AKAP19: variants seen among roughly 807,000 people sequenced by gnomAD.
AKAP19 encodes the protein small A-kinase anchoring protein.
chr2:190,160,370 C>T, the AKAP19 span, among the ~76,000 whole-genome samples: 6 of 152,056 alleles, frequency 3.9e-5, no homozygotes, highest in Non-Finnish European at 7.4e-5. Flanking sequence ...TAGTAATATT[C>T]GTCCATGTTT....
the AKAP19 span, among the ~76,000 whole-genome samples, chr2:189,968,969 T>C: frequency 6.6e-6 from 1 of 152,140 alleles, no homozygotes; most frequent in Non-Finnish European, 1.5e-5. Flanking sequence ...GGAATTCTTT[T>C]TCTGTTATCC....
chr2:189,917,426 G>T, the AKAP19 span: 1 of 797,660 alleles, frequency 1.3e-6, no homozygotes, highest in Non-Finnish European at 2.1e-6. Flanking sequence ...TCAAAACCAT[G>T]TCTGTTTTTT....
the AKAP19 span, among the ~76,000 whole-genome samples, chr2:190,067,126 A>G: frequency 6.6e-6 from 1 of 152,138 alleles, no homozygotes; most frequent in African/African-American, 2.4e-5. Flanking sequence ...TTTAACACAT[A>G]TATATTAAAA....
At chr2:190,140,418 C>T in the AKAP19 span, among the ~76,000 whole-genome samples, 1 of 152,218 alleles carries the variant, frequency 6.6e-6, no homozygotes, top group Non-Finnish European at 1.5e-5. Flanking sequence ...GAGAGGTTCT[C>T]CACAAGGGCT....
the AKAP19 span, among the ~76,000 whole-genome samples, chr2:190,126,186 G>A: frequency 6.7e-6 from 1 of 149,414 alleles, no homozygotes; most frequent in Admixed American, 6.7e-5. Flanking sequence ...AGCTACTCAG[G>A]AGGCTGAGGC....
chr2:190,038,901 T>TTCCTCTTCTTC, the AKAP19 span, among the ~76,000 whole-genome samples: 4 of 46,024 alleles, frequency 8.7e-5, no homozygotes, highest in South Asian at 1.0e-3. Context: ...TCTTTCTTTC[T>TTCCTCTTCTTC]TTCTTCTTCT....
chr2:190,146,501 C>T, the AKAP19 span, among the ~76,000 whole-genome samples: 18 of 152,308 alleles, frequency 1.2e-4, no homozygotes, highest in South Asian at 1.9e-3. Context: ...ACTTATTTTC[C>T]TCTGGGTAGA....
At chr2:189,926,574 C>A in the AKAP19 span, among the ~76,000 whole-genome samples, 1 of 143,444 alleles carries the variant, frequency 7.0e-6, no homozygotes, top group Non-Finnish European at 1.5e-5. Flanking sequence ...GCGTGAGCCA[C>A]CGCGCCCGGC....
the AKAP19 span, among the ~76,000 whole-genome samples, chr2:190,090,403 C>CA: frequency 6.6e-6 from 1 of 152,128 alleles, no homozygotes; most frequent in African/African-American, 2.4e-5. Context: ...TGCCATGCCT[C>CA]AAACAGTGCC....
the AKAP19 span, among the ~76,000 whole-genome samples, chr2:190,041,521 C>T: frequency 1.3e-5 from 2 of 152,084 alleles, no homozygotes; most frequent in Non-Finnish European, 2.9e-5. Context: ...CTTTCTCTTG[C>T]GTGATTGCTC....
the AKAP19 span, among the ~76,000 whole-genome samples, chr2:190,018,201 T>C: frequency 6.6e-6 from 1 of 152,198 alleles, no homozygotes. Flanking sequence ...TCCCCAGATA[T>C]AGGAAGTCTT....
the AKAP19 span, among the ~76,000 whole-genome samples, chr2:190,099,087 T>C: frequency 6.6e-6 from 1 of 152,340 alleles, no homozygotes; most frequent in South Asian, 2.1e-4. Flanking sequence ...AAAAAGGCTG[T>C]TTTGCTTTTT....
chr2:190,080,952 G>A, the AKAP19 span, among the ~76,000 whole-genome samples: 5 of 152,086 alleles, frequency 3.3e-5, no homozygotes, highest in African/African-American at 9.7e-5. Flanking sequence ...TGTGTTCTGG[G>A]TCACTTTGAT....
At chr2:190,176,955 A>C in the AKAP19 span, among the ~76,000 whole-genome samples, 1 of 152,214 alleles carries the variant, frequency 6.6e-6, no homozygotes, top group Non-Finnish European at 1.5e-5. This position sits in a 1 kb window ranked among gnomAD's most constrained non-coding sequence, Gnocchi z 4.7. Flanking sequence ...TCAGTGAGAA[A>C]TATATGTAAG....
At chr2:190,108,790 T>TG in the AKAP19 span, among the ~76,000 whole-genome samples, 5 of 151,094 alleles carry the variant, frequency 3.3e-5, 1 homozygote, top group Admixed American at 1.3e-4. Context: ...GCGGTTTTTT[T>TG]TTTTTTTTTT....
At chr2:189,931,846 C>T in the AKAP19 span, among the ~76,000 whole-genome samples, 373 of 152,224 alleles carry the variant, frequency 2.5e-3, no homozygotes, top group Non-Finnish European at 4.4e-3. Flanking sequence ...TGGTCTCGAA[C>T]TCATGAGCTC....
the AKAP19 span, among the ~76,000 whole-genome samples, chr2:190,047,060 T>C: frequency 6.6e-6 from 1 of 152,160 alleles, no homozygotes; most frequent in East Asian, 1.9e-4. Flanking sequence ...TTAACATGTT[T>C]CACTGGCTCC....
the AKAP19 span, among the ~76,000 whole-genome samples, chr2:189,958,522 C>CACATAT: frequency 4.1e-4 from 59 of 143,738 alleles, no homozygotes; most frequent in Middle Eastern, 7.2e-3. Context: ...ACACACATAA[C>CACATAT]ATATATATAT....
At chr2:190,029,055 A>AT in the AKAP19 span, among the ~76,000 whole-genome samples, 2,597 of 144,660 alleles carry the variant, frequency 0.018, 69 homozygotes, top group African/African-American at 0.057. Flanking sequence ...ACCTGTAAGG[A>AT]TTTTTTTTTT....
Sources: allele counts gnomAD v4.1 joint callset (sites outside exome capture counted in the v4.1 genomes callset), GRCh38; gene constraint gnomAD v4.1.1; non-coding constraint Gnocchi (gnomAD v3.1); transcripts MANE v1.5; gene names NCBI Gene and HGNC (gene_info 2026-07-23, HGNC 2026-07-21).